Variants in FER observed in about 807,000 individuals in gnomAD.
FER encodes the protein tyrosine-protein kinase Fer.
A neutral mutation model predicts 111.0 loss-of-function variants in FER; 63 were observed. That is an observed-to-expected ratio of 0.57 (90% CI 0.46 to 0.70). The LOEUF is 0.70. Among genes scored for constraint, FER ranks in the 30% least tolerant of loss-of-function variants. The pLI, the probability that FER is intolerant of heterozygous loss-of-function variation, is 0.00. For synonymous variants in FER, 327 were observed against 313.9 expected, an observed-to-expected ratio of 1.04 and a Z score of -0.44; for missense variants, 914 against 954.0, an observed-to-expected ratio of 0.96 and a Z score of 0.55.
At chr5:109,052,894 G>A (rs1773041671) in intron 16 of FER, among the ~76,000 whole-genome samples, 1 of 152,092 alleles carries the variant, frequency 6.6e-6, no homozygotes, top group Non-Finnish European at 1.5e-5. Flanking sequence ...TCTTATTAGT[G>A]AACTTTTCAT....
intron 17 of FER, among the ~76,000 whole-genome samples, chr5:109,155,392 T>C (rs1398217081): frequency 6.6e-6 from 1 of 151,944 alleles, no homozygotes; most frequent in Non-Finnish European, 1.5e-5. Flanking sequence ...ATAGAGCCGA[T>C]ACTTAGAAAA....
chr5:109,054,023 A>T (rs1204318421), intron 16 of FER, among the ~76,000 whole-genome samples: 1 of 152,060 alleles, frequency 6.6e-6, no homozygotes, highest in Non-Finnish European at 1.5e-5. Flanking sequence ...ACTGCAGTTT[A>T]TCCATTCAAC....
chr5:109,090,519 A>G (rs1778049860), intron 16 of FER, among the ~76,000 whole-genome samples: 1 of 152,178 alleles, frequency 6.6e-6, no homozygotes, highest in Non-Finnish European at 1.5e-5. Flanking sequence ...ACAGGGATTT[A>G]TTAATTACCT....
intron 17 of FER, among the ~76,000 whole-genome samples, chr5:109,155,752 T>C (rs963160373): frequency 1.3e-5 from 2 of 151,956 alleles, no homozygotes; most frequent in African/African-American, 4.8e-5. Flanking sequence ...AGATTGTGAG[T>C]CCATAGAAGG....
rs1759772570 is a variant in FER at position 109,196,752 on chromosome 5, T to C, written c.*9177T>C. 6.6e-6 allele frequency: 1 copy of C among 150,806 alleles called. No homozygotes were observed. Among genetic ancestry groups the C allele is most frequent in the African/African-American group, 2.5e-5 (1 of 40,122 alleles). The allele number at this position is 150,806 out of a possible 1,614,324, so 9.3% of individuals were successfully genotyped here. On this transcript the variant is annotated 3_prime_UTR_variant, in exon 20 of 20. Coordinates refer to ENST00000281092, the MANE Select transcript of FER (RefSeq NM_005246.4). ...AAACTTAGATCATTTTTTAATTGTC[T>C]TTTCTTTTCCAATAGACCAGTTACC... is the stretch of plus-strand genomic sequence containing the variant.
At chr5:109,173,023 A>G (rs1272692829) in intron 17 of FER, among the ~76,000 whole-genome samples, 1 of 152,242 alleles carries the variant, frequency 6.6e-6, no homozygotes, top group East Asian at 1.9e-4. Flanking sequence ...AGTTATCTCA[A>G]CATTCATATT....
At chr5:109,112,373 C>T (rs775880107) in intron 17 of FER, among the ~76,000 whole-genome samples, 28 of 152,092 alleles carry the variant, frequency 1.8e-4, no homozygotes, top group Non-Finnish European at 3.4e-4. Context: ...AGATGGTGAT[C>T]ATTATTCTAA....
chr5:108,922,148 G>T (rs968783445), intron 10 of FER, among the ~76,000 whole-genome samples: 1 of 152,118 alleles, frequency 6.6e-6, no homozygotes, highest in African/African-American at 2.4e-5. Flanking sequence ...AGTAAGGAAG[G>T]GTTATCCCCT....
In FER at chr5:109,183,311, C is replaced by T. The variant is rs368998986; in HGVS notation, c.2203+2410C>T. Among the ~76,000 whole-genome samples, 18 of 144,746 alleles carry T rather than the reference C, an allele frequency of 1.2e-4. No homozygotes were observed. The East Asian group carries it at 1.6e-3, about 13-fold the overall frequency. 95.0% of individuals were successfully genotyped at this position (144,746 alleles called of 152,430 possible). A position where few individuals can be genotyped will look rare whatever the true frequency, so the allele number is the denominator to read the frequency against. On this transcript the variant is annotated intron_variant, in intron 18 of 19. Transcript: ENST00000281092. ...TTGCCCAGGCTGGAGCGCAGCAGCG[C>T]GATCTAGGCTCACGGCAACCTCTGC...
chr5:108,856,560 A>G (rs1226316966), intron 5 of FER, among the ~76,000 whole-genome samples: 2 of 152,188 alleles, frequency 1.3e-5, no homozygotes, highest in African/African-American at 4.8e-5. Flanking sequence ...ATACAGTCAT[A>G]TCCTAACATG....
intron 8 of FER, among the ~76,000 whole-genome samples, chr5:108,879,701 A>AAAAAAATATATATATATATATAT: frequency 1.0e-5 from 1 of 99,128 alleles, no homozygotes; most frequent in Non-Finnish European, 2.0e-5. Context: ...ATTAAAAAAA[A>AAAAAAATATATATATATATATAT]ATATATATAT....
intron 18 of FER, among the ~76,000 whole-genome samples, chr5:109,185,122 C>T (rs1562005377): frequency 6.6e-6 from 1 of 152,154 alleles, no homozygotes; most frequent in Non-Finnish European, 1.5e-5. Context: ...TGATCTGCTT[C>T]CCCTCCTTTA....
chr5:108,784,585 G>A (rs1754466895), intron 2 of FER: 2 of 152,252 alleles, frequency 1.3e-5, no homozygotes, highest in Non-Finnish European at 2.9e-5. Flanking sequence ...AACATGTGGA[G>A]TGGGAAATCA....
intron 10 of FER, among the ~76,000 whole-genome samples, chr5:108,900,439 A>G (rs1033888934): frequency 6.6e-6 from 1 of 152,250 alleles, no homozygotes; most frequent in Non-Finnish European, 1.5e-5. Context: ...ATAATGTTAC[A>G]AGAAAAGCCT....
chr5:108,894,668 G>T, intron 9 of FER: 1 of 239,260 alleles, frequency 4.2e-6, no homozygotes, highest in Non-Finnish European at 8.4e-6. Context: ...AAAGAGGACA[G>T]GGGAAAGGAA....
intron 10 of FER, among the ~76,000 whole-genome samples, chr5:108,916,566 T>A (rs1327796689): frequency 6.6e-6 from 1 of 152,150 alleles, no homozygotes; most frequent in Non-Finnish European, 1.5e-5. Flanking sequence ...CTATTAATTA[T>A]GTTGTGGGTA....
At chr5:108,936,891 A>G (rs1755547127) in intron 10 of FER, among the ~76,000 whole-genome samples, 1 of 152,010 alleles carries the variant, frequency 6.6e-6, no homozygotes, top group Admixed American at 6.6e-5. Flanking sequence ...CTCCCAAGAT[A>G]GTATTCCTCT....
rs1039567842 is a variant in FER, at chr5:109,193,583, T to C, written c.*6008T>C. On this transcript the variant is annotated 3_prime_UTR_variant, in exon 20 of 20. Coordinates refer to ENST00000281092, the MANE Select transcript of FER (RefSeq NM_005246.4). ...GACAGTGTTGATGCTGGAAGTGGAA[T>C]GTTATGTTTTCGCTCAGCTGTATTC... 6.6e-6 allele frequency: 1 copy of C among 152,122 alleles called. No homozygotes were observed. The highest frequency in any genetic ancestry group is 1.5e-5 in the Non-Finnish European group (1 of 68,014). 9.4% of individuals were successfully genotyped at this position (152,122 alleles called of 1,614,324 possible).
chr5:108,821,859 A>G (rs1302336759), intron 3 of FER, among the ~76,000 whole-genome samples: 2 of 152,082 alleles, frequency 1.3e-5, no homozygotes, highest in East Asian at 1.9e-4. Context: ...TCATGAGGAG[A>G]ACACTTAAGA....
Sources: gnomAD v4.1 joint callset for allele counts (sites outside exome capture counted in the v4.1 genomes callset) on GRCh38, gnomAD v4.1.1 for gene constraint, MANE v1.5 for transcripts, NCBI Gene and HGNC (gene_info 2026-07-23, HGNC 2026-07-21) for gene names.